DAB2IP: variants seen among roughly 807,000 people sequenced by gnomAD.
DAB2IP encodes the protein DAB2 interacting protein.
A neutral mutation model predicts 107.2 loss-of-function variants in DAB2IP; 28 were observed. The observed-to-expected ratio is 0.26, with a 90% confidence interval of 0.19 to 0.36. DAB2IP has a LOEUF of 0.36. Among genes scored for constraint, DAB2IP ranks in the 10% least tolerant of loss-of-function variants. The pLI is 1.00. For synonymous variants in DAB2IP, 755 were observed against 706.4 expected (o/e 1.07, Z -1.09); for missense variants, 1,400 against 1,644.7 (o/e 0.85, Z 2.57).
At chr9:121,700,963 TTG>T (rs1253742182) in intron 3 of DAB2IP, among the ~76,000 whole-genome samples, 3 of 152,162 alleles carry the variant, frequency 2.0e-5, no homozygotes, top group Non-Finnish European at 4.4e-5. Flanking sequence ...CTTCCCATCT[TTG>T]TTATTGTCTG....
In DAB2IP at chr9:121,782,075, G is replaced by C. The variant is rs1835698605; in HGVS notation, c.3403-256G>C. Among the ~76,000 whole-genome samples the C allele has an allele frequency of 1.3e-5, 2 of 152,292 alleles. No individual in the cohort carries two copies. The highest frequency in any genetic ancestry group is 4.1e-4 in the South Asian group (2 of 4,826). On this transcript the variant is annotated intron_variant, in intron 15 of 15. Transcript: ENST00000408936. The surrounding 1 kb of genome is among the most constrained non-coding windows in gnomAD (Gnocchi z 6.1). ...GTCATGCACACACATGTGAGCAAGG[G>C]TGCCTGCCCTAGGGGCCGCAGGCAG... is the stretch of plus-strand genomic sequence containing the variant.
At chr9:121,577,344 C>T (rs1024311259) in intron 1 of DAB2IP, among the ~76,000 whole-genome samples, 3 of 152,186 alleles carry the variant, frequency 2.0e-5, no homozygotes, top group South Asian at 2.1e-4. Flanking sequence ...GCTGGATGGC[C>T]GGATCGCCAG....
intron 1 of DAB2IP, among the ~76,000 whole-genome samples, chr9:121,576,877 G>A (rs555673987): frequency 6.6e-6 from 1 of 152,246 alleles, no homozygotes; most frequent in Admixed American, 6.5e-5. Context: ...ATTCCAGAAG[G>A]GAGGGAGGGG....
At chr9:121,717,370 G>C (rs1830663917) in intron 3 of DAB2IP, among the ~76,000 whole-genome samples, 1 of 152,244 alleles carries the variant, frequency 6.6e-6, no homozygotes, top group Admixed American at 6.5e-5. Flanking sequence ...TGTACTAGCA[G>C]AAGCACGTTT....
At chr9:121,780,847 C>T (rs1014616697) in intron 14 of DAB2IP, among the ~76,000 whole-genome samples, 3 of 152,184 alleles carry the variant, frequency 2.0e-5, no homozygotes, top group Admixed American at 6.5e-5. Context: ...TCTGCCTGCA[C>T]ACCTGTCCTT....
At chr9:121,693,901 G>C (rs576740224) in intron 2 of DAB2IP, among the ~76,000 whole-genome samples, 1 of 152,328 alleles carries the variant, frequency 6.6e-6, no homozygotes, top group East Asian at 1.9e-4. Context: ...GAGACCATTG[G>C]TGACGTGGGG....
chr9:121,708,238 A>C (rs1054046580), intron 3 of DAB2IP, among the ~76,000 whole-genome samples: 13 of 152,218 alleles, frequency 8.5e-5, no homozygotes, highest in Admixed American at 4.6e-4. Context: ...ACAGGTGTAG[A>C]AACTGAAACC....
At chr9:121,619,839 T>C (rs901451617) in intron 1 of DAB2IP, among the ~76,000 whole-genome samples, 4 of 152,224 alleles carry the variant, frequency 2.6e-5, no homozygotes, top group African/African-American at 9.6e-5. Context: ...GGATACTAAA[T>C]AGGGATCTCA....
At chr9:121,762,864 T>C (rs1324061746) in intron 6 of DAB2IP, among the ~76,000 whole-genome samples, 1 of 152,150 alleles carries the variant, frequency 6.6e-6, no homozygotes, top group East Asian at 1.9e-4. Context: ...CCCACAACAC[T>C]GTGTGTGGGA....
intron 1 of DAB2IP, among the ~76,000 whole-genome samples, chr9:121,569,843 G>T (rs1829893220): frequency 6.6e-6 from 1 of 152,194 alleles, no homozygotes; most frequent in East Asian, 1.9e-4. Context: ...ATAACATTTT[G>T]CAGTGATGTG....
rs562167490 is a variant in DAB2IP at position 121,781,235 on chromosome 9, G to C, written c.3315-229G>C. On this transcript the variant is annotated intron_variant, in intron 14 of 15. Transcript: ENST00000408936. Reference sequence around the variant, plus strand: ...CCCGGGGGCCTCTGGGGCTTTAGGAGCAGCGAGTGTGGGATGTGGAGGTGA... The same window carrying C: ...CCCGGGGGCCTCTGGGGCTTTAGGACCAGCGAGTGTGGGATGTGGAGGTGA... 1.2e-4 allele frequency among the ~76,000 whole-genome samples: 18 copies of C among 152,286 alleles called. 1 individual carries two copies. The highest frequency in any genetic ancestry group is 1.1e-3 in the Admixed American group (17 of 15,302).
In DAB2IP at chr9:121,741,873, C is replaced by A. The variant is rs578208428; in HGVS notation, c.363-15140C>A. 5.9e-5 allele frequency among the ~76,000 whole-genome samples: 9 copies of A among 151,422 alleles called. No homozygotes were observed. In the South Asian group the frequency reaches 1.9e-3, roughly 33 times the overall value. ...CCTATGAGGTAAATAATATTATGTCCATTTTTGAGGAGGAAACAGAGAGGC... is the reference window on the plus strand; with the variant it reads ...CCTATGAGGTAAATAATATTATGTCAATTTTTGAGGAGGAAACAGAGAGGC... On this transcript the variant is annotated intron_variant, in intron 3 of 15. Coordinates refer to ENST00000408936, the Ensembl canonical transcript of DAB2IP.
Position 121,681,505 on chromosome 9 carries a change from T to TG in DAB2IP, c.228+2724_228+2725insG, listed in dbSNP as rs1410335897. Among the ~76,000 whole-genome samples, 5 of 152,236 alleles carry TG rather than the reference T, an allele frequency of 3.3e-5. No homozygotes were observed. In the East Asian group the frequency reaches 9.7e-4, roughly 29 times the overall value. Reference sequence around the variant, plus strand: ...CAACTCGCAGTCCCACCTGCCCGGTTAGGGTCTGCAGGATGGAGAGCGTGT... The same window carrying TG: ...CAACTCGCAGTCCCACCTGCCCGGTTGAGGGTCTGCAGGATGGAGAGCGTGT... On this transcript the variant is annotated intron_variant, in intron 2 of 15. Coordinates refer to ENST00000408936, the Ensembl canonical transcript of DAB2IP.
chr9:121,684,991 G>C lies in DAB2IP; in HGVS notation c.228+6210G>C, dbSNP rs1828792258. ...ACAGGGCGGTAGTGCTGGACCCCTG[G>C]GTGGGGTCCCACCATGGGCGCCCCA... is the stretch of plus-strand genomic sequence containing the variant. On this transcript the variant is annotated intron_variant, in intron 2 of 15. Coordinates refer to ENST00000408936, the Ensembl canonical transcript of DAB2IP. This position sits in a 1 kb window ranked among gnomAD's most constrained non-coding sequence, Gnocchi z 4.0. Among the ~76,000 whole-genome samples, 1 of 152,174 alleles carries C rather than the reference G, an allele frequency of 6.6e-6. No individual in the cohort carries two copies. Among genetic ancestry groups the C allele is most frequent in the Admixed American group, 6.5e-5 (1 of 15,282 alleles).
At chr9:121,621,345 C>T (rs185345728) in intron 1 of DAB2IP, among the ~76,000 whole-genome samples, 1 of 152,192 alleles carries the variant, frequency 6.6e-6, no homozygotes, top group Non-Finnish European at 1.5e-5. Flanking sequence ...CTTCTCAGCT[C>T]GGTTTTCAGG....
At chr9:121,755,130 G>A (rs1272940116) in intron 3 of DAB2IP, among the ~76,000 whole-genome samples, 1 of 152,214 alleles carries the variant, frequency 6.6e-6, no homozygotes, top group Non-Finnish European at 1.5e-5. Flanking sequence ...CCCACCCACG[G>A]CACTGGTCAT....
chr9:121,641,995 T>TTCTCTCTCTCTCTCTCTCTCTCTCTCTC (rs71370683), intron 1 of DAB2IP, among the ~76,000 whole-genome samples: 1 of 34,984 alleles, frequency 2.9e-5, no homozygotes, highest in Non-Finnish European at 5.0e-5. Context: ...TTTCTTTCCT[T>TTCTCTCTCTCTCTCTCTCTCTCTCTCTC]TCTCTCTCTC....
intron 3 of DAB2IP, among the ~76,000 whole-genome samples, chr9:121,734,751 T>C (rs985151248): frequency 2.6e-5 from 4 of 152,154 alleles, no homozygotes; most frequent in Non-Finnish European, 5.9e-5. Context: ...AGGGGGCTAG[T>C]AAAAGGTGCA....
chr9:121,723,240 A>G (rs1831042829), intron 3 of DAB2IP, among the ~76,000 whole-genome samples: 1 of 152,236 alleles, frequency 6.6e-6, no homozygotes, highest in Non-Finnish European at 1.5e-5. Flanking sequence ...CTCAGCCAGC[A>G]GAGAGGGAGG....
Sources: gnomAD v4.1 joint callset for allele counts (sites outside exome capture counted in the v4.1 genomes callset) on GRCh38, gnomAD v4.1.1 for gene constraint, Gnocchi (gnomAD v3.1) non-coding constraint, MANE v1.5 for transcripts, NCBI Gene and HGNC (gene_info 2026-07-23, HGNC 2026-07-21) for gene names.